Variants in MIER2 observed in about 807,000 individuals in gnomAD.
The protein encoded by MIER2 is mesoderm induction early response protein 2.
Under a neutral mutation model 67.6 loss-of-function variants are expected in MIER2, and 30 were observed. That is an observed-to-expected ratio of 0.44 (90% CI 0.33 to 0.60). The LOEUF is 0.60. Among genes scored for constraint, MIER2 ranks in the 20% least tolerant of loss-of-function variants. The probability of loss-of-function intolerance (pLI) is 0.02; values close to 1 mark genes in which losing one functional copy is unlikely to be tolerated. For synonymous variants in MIER2, 372 were observed against 312.6 expected, an observed-to-expected ratio of 1.19 and a Z score of -2.00; for missense variants, 702 against 745.1, an observed-to-expected ratio of 0.94 and a Z score of 0.67.
chr19:319,075 G>C (rs1432929049), intron 7 of MIER2, among the ~76,000 whole-genome samples: 1 of 130,066 alleles, frequency 7.7e-6, no homozygotes, highest in Non-Finnish European at 1.6e-5. Context: ...AAAAAAATCA[G>C]TAAAAAGGCT....
chr19:311,159 C>T (rs1970983224), intron 10 of MIER2, among the ~76,000 whole-genome samples: 1 of 152,250 alleles, frequency 6.6e-6, no homozygotes, highest in African/African-American at 2.4e-5. Flanking sequence ...AACAAGGCCA[C>T]AGCCCACTGG....
chr19:313,571 T>C lies in MIER2; in HGVS notation c.728A>G (p.Tyr243Cys). 1 of 1,613,428 alleles carries C rather than the reference T, an allele frequency of 6.2e-7. No individual in the cohort carries two copies. The highest frequency in any genetic ancestry group is 2.2e-5 in the East Asian group (1 of 44,870). ...GTGCCAACGCCGCTTCACCGCCCTGTACAGGAACTCCTCCACCTCCCTCTC... is the reference window on the plus strand; with the variant it reads ...GTGCCAACGCCGCTTCACCGCCCTGCACAGGAACTCCTCCACCTCCCTCTC... ...LPEREVEEFL[Y>C]RAVKRRWHEM... is the part of the protein sequence containing the mutation. Residue 243 changes from tyrosine to cysteine, a missense_variant, in exon 8 of 14, where the codon TAC becomes TGC. Tyr to Cys is a radical substitution (Grantham distance 194). Coordinates refer to ENST00000264819, the MANE Select transcript of MIER2 (RefSeq NM_017550.3).
chr19:327,888 G>C lies in MIER2; in HGVS notation c.345C>G (p.Asn115Lys). 1 of 1,612,578 alleles carries C rather than the reference G, an allele frequency of 6.2e-7. No homozygotes were observed. Among genetic ancestry groups the C allele is most frequent in the Non-Finnish European group, 8.5e-7 (1 of 1,179,268 alleles). Residue 115 changes from asparagine to lysine, a missense_variant, in exon 4 of 14, where the codon AAC becomes AAG. Around this residue, in one of 3 missense-constraint regions of MIER2, gnomAD observed 320 missense variants for 292.6 expected, o/e 1.09. Transcript: ENST00000264819. ...RESEGGDVAP[N>K]LPDMTLDKEQ... ...CTTTGTCCAGGGTCATGTCTGGGAG[G>C]TTCGGGGCCACGTCACCACCCTCAC...
chr19:321,991 G>A (rs921117069), intron 7 of MIER2, among the ~76,000 whole-genome samples: 3 of 152,120 alleles, frequency 2.0e-5, no homozygotes, highest in South Asian at 2.1e-4. Context: ...TGCAAGCTCC[G>A]CCTCCCGGGT....
chr19:331,301 T>A (rs980893595), intron 3 of MIER2, among the ~76,000 whole-genome samples: 1 of 149,322 alleles, frequency 6.7e-6, no homozygotes, highest in Non-Finnish European at 1.5e-5. Context: ...GAGGTTCCAG[T>A]GAGCCCAGAT....
chr19:309,072 CATGACCCTAA>C (rs1408829856), intron 10 of MIER2, 147 bp from the exon 11 acceptor site: 7 of 1,178,470 alleles, frequency 5.9e-6, no homozygotes, highest in Non-Finnish European at 8.2e-6. Flanking sequence ...CCCCCCGACC[CATGACCCTAA>C]CAGGCCACAG....
At position 325,657 on chromosome 19, in the gene MIER2, G is replaced by C; in HGVS notation, c.633C>G (p.His211Gln). The C allele has an allele frequency of 1.9e-6, 3 of 1,614,210 alleles. No individual in the cohort carries two copies. The highest frequency in any genetic ancestry group is 1.6e-4 in the Middle Eastern group (1 of 6,062). Residue 211 changes from histidine (H) to glutamine (Q), a missense_variant, in exon 7 of 14, where the codon CAC becomes CAG. Coordinates refer to ENST00000264819, the MANE Select transcript of MIER2 (RefSeq NM_017550.3). Reference sequence around the variant, plus strand: ...TACTCTTCTCACAGTGCCGGTTCAAGTGCAGGTTGCTGAGGTCAGCTTGGA... The same window carrying C: ...TACTCTTCTCACAGTGCCGGTTCAACTGCAGGTTGCTGAGGTCAGCTTGGA... Reference protein sequence around the residue: ...PQFQADLSNLHLNRHCEKIYE... With the variant: ...PQFQADLSNLQLNRHCEKIYE...
chr19:316,371 C>A (rs1971235263), intron 7 of MIER2, among the ~76,000 whole-genome samples: 1 of 151,932 alleles, frequency 6.6e-6, no homozygotes, highest in South Asian at 2.1e-4. Flanking sequence ...TGGCTCACTG[C>A]AACCTCCATC....
At chr19:336,524 A>G (rs1311609135) in intron 1 of MIER2, among the ~76,000 whole-genome samples, 1 of 152,212 alleles carries the variant, frequency 6.6e-6, no homozygotes, top group African/African-American at 2.4e-5. Context: ...GAAGCCAGAC[A>G]CCAACGGCCA....
intron 10 of MIER2, among the ~76,000 whole-genome samples, chr19:310,743 A>AGCTGCAGAAACACG (rs1568216870): frequency 9.4e-6 from 1 of 106,564 alleles, no homozygotes; most frequent in African/African-American, 4.8e-5. Flanking sequence ...GTAGAAACAC[A>AGCTGCAGAAACACG]GCCCGGAGCT....
At chr19:324,003 GAC>G (rs987549138) in intron 7 of MIER2, among the ~76,000 whole-genome samples, 11 of 148,924 alleles carry the variant, frequency 7.4e-5, no homozygotes, top group African/African-American at 2.7e-4. Flanking sequence ...CAACACACAG[GAC>G]ACACACAACC....
intron 1 of MIER2, chr19:343,791 C>G: frequency 1.0e-6 from 1 of 970,250 alleles, no homozygotes; most frequent in Non-Finnish European, 1.2e-6. Flanking sequence ...CACCTCGCAG[C>G]CGCCGCACCT....
At chr19:340,435 AT>A (rs1219622538) in intron 1 of MIER2, 3 of 152,270 alleles carry the variant, frequency 2.0e-5, no homozygotes, top group Non-Finnish European at 2.9e-5. Flanking sequence ...ATATTGTATT[AT>A]GTACTGTATT....
intron 3 of MIER2, 155 bp downstream of exon 3, chr19:334,245 C>T (rs2145522666): frequency 1.9e-6 from 2 of 1,072,152 alleles, no homozygotes; most frequent in East Asian, 2.4e-5. Flanking sequence ...ACCTGGTCTC[C>T]ACTGAATTTC....
chr19:325,383 G>A (rs1245052354), intron 7 of MIER2, among the ~76,000 whole-genome samples: 2 of 152,258 alleles, frequency 1.3e-5, no homozygotes, highest in East Asian at 1.9e-4. Context: ...GAGGCAGGAC[G>A]GGCTGCTGAG....
intron 7 of MIER2, 63 bp downstream of exon 7, chr19:325,572 G>A (rs928163393): frequency 5.2e-5 from 82 of 1,584,150 alleles, no homozygotes; most frequent in African/African-American, 3.0e-4. Context: ...AGGATCTGAC[G>A]TCCAGCCAGG....
intron 7 of MIER2, among the ~76,000 whole-genome samples, chr19:322,047 G>C (rs1442068920): frequency 1.3e-5 from 2 of 152,076 alleles, no homozygotes; most frequent in Admixed American, 1.3e-4. Context: ...TGGGACTACA[G>C]GTGCCCGCCA....
chr19:337,220 T>C (rs113522320), intron 1 of MIER2, among the ~76,000 whole-genome samples: 4 of 152,270 alleles, frequency 2.6e-5, no homozygotes, highest in African/African-American at 9.6e-5. Context: ...TAAAGATGAT[T>C]ATAAGCCACG....
rs1465284558 is a variant in MIER2, at chr19:305,895, T to C, written c.*795A>G. On this transcript the variant is annotated 3_prime_UTR_variant, in exon 14 of 14. Coordinates refer to ENST00000264819, the MANE Select transcript of MIER2 (RefSeq NM_017550.3). The stretch of plus-strand genomic sequence containing the variant: ...AACAGGCTGGAGTCTGGCCCCTGCG[T>C]GGCCAGCAGGGCCGGCTCCTCCGGA... The C allele has an allele frequency of 6.6e-6, 1 of 152,190 alleles. No individual in the cohort carries two copies. Among genetic ancestry groups the C allele is most frequent in the Non-Finnish European group, 1.5e-5 (1 of 68,024 alleles). 9.4% of individuals were successfully genotyped at this position (152,190 alleles called of 1,614,324 possible). A position where few individuals can be genotyped will look rare whatever the true frequency, so the allele number is the denominator to read the frequency against.
Sources: allele counts gnomAD v4.1 joint callset (sites outside exome capture counted in the v4.1 genomes callset), GRCh38; gene constraint gnomAD v4.1.1; regional missense constraint gnomAD v4.1.1; transcripts MANE v1.5; gene names NCBI Gene and HGNC (gene_info 2026-07-23, HGNC 2026-07-21).